Variants in GABRG3 observed in about 807,000 individuals in gnomAD.
The protein encoded by GABRG3 is gamma-aminobutyric acid type A receptor subunit gamma3, also known as gamma-aminobutyric acid receptor subunit gamma-3.
GABRG3 carries 25 observed loss-of-function variants against 48.8 expected under a neutral mutation model. That is an observed-to-expected ratio of 0.51 (90% CI 0.37 to 0.72). GABRG3 has a LOEUF of 0.72. Among genes scored for constraint, GABRG3 ranks in the 30% least tolerant of loss-of-function variants. GABRG3 has a pLI of 0.00. For synonymous variants in GABRG3, 227 were observed against 217.6 expected (o/e 1.04, Z -0.38); for missense variants, 394 against 577.9 (o/e 0.68, Z 3.26).
Position 27,352,064 on chromosome 15 carries a change from CGT to C in GABRG3, c.574+23187_574+23188del, listed in dbSNP as rs148604118. Reference sequence around the variant, plus strand: ...GTGTGTGTGTATGGTATGTGTGTATCGTGTGTGTGTGTATGGTGCATGTGTGT... The same window carrying C: ...GTGTGTGTGTATGGTATGTGTGTATCGTGTGTGTGTATGGTGCATGTGTGT... On this transcript the variant is annotated intron_variant, in intron 5 of 9. Transcript: ENST00000615808. The surrounding 1 kb of genome is among the most constrained non-coding windows in gnomAD (Gnocchi z 4.0). 1.8e-4 allele frequency among the ~76,000 whole-genome samples: 22 copies of C among 124,432 alleles called. No homozygotes were observed. The highest frequency in any genetic ancestry group is 4.4e-4 in the African/African-American group (14 of 31,980). 81.6% of individuals were successfully genotyped at this position (124,432 alleles called of 152,430 possible).
chr15:27,166,052 G>A (rs1887360742), intron 3 of GABRG3, among the ~76,000 whole-genome samples: 1 of 152,156 alleles, frequency 6.6e-6, no homozygotes, highest in African/African-American at 2.4e-5. Context: ...CTTTCTCAGT[G>A]GCTCTGATTA....
chr15:27,217,788 C>T (rs1889311947), intron 3 of GABRG3, among the ~76,000 whole-genome samples: 1 of 152,196 alleles, frequency 6.6e-6, no homozygotes, highest in Non-Finnish European at 1.5e-5. Flanking sequence ...CTTGGCTGTC[C>T]TCTCCTGGCA....
chr15:27,339,384 C>A (rs1261178598), intron 5 of GABRG3, among the ~76,000 whole-genome samples: 1 of 152,234 alleles, frequency 6.6e-6, no homozygotes, highest in Non-Finnish European at 1.5e-5. Context: ...CCCTGGGAAC[C>A]AGGCTTCCCA....
rs536726112 is a variant in GABRG3, at chr15:27,515,794, C to T, written c.713-4178C>T. Among the ~76,000 whole-genome samples the T allele has an allele frequency of 3.9e-5, 6 of 152,190 alleles. No individual in the cohort carries two copies. The South Asian group carries it at 8.3e-4, about 21-fold the overall frequency. ...GCAATTACAAAAGATTCACCTAGTC[C>T]GTAGAGGAGTTGGAGTATTGAAAAT... is the stretch of plus-strand genomic sequence containing the variant. On this transcript the variant is annotated intron_variant, in intron 6 of 9. Transcript: ENST00000615808.
In GABRG3 at chr15:27,540,339, A is replaced by C. The variant is rs567637818; in HGVS notation, c.*7458A>C. The stretch of plus-strand genomic sequence containing the variant: ...CGTAAAGATAACGTTTGAATTGTCT[A>C]ACAACTATCTTTTTTCACTAAAATA... On this transcript the variant is annotated 3_prime_UTR_variant, in exon 10 of 10. Coordinates refer to ENST00000615808, the MANE Select transcript of GABRG3 (RefSeq NM_033223.5). 1 of 152,230 alleles carries C rather than the reference A, an allele frequency of 6.6e-6. No homozygotes were observed. Among genetic ancestry groups the C allele is most frequent in the Middle Eastern group, 3.4e-3 (1 of 294 alleles). 9.4% of individuals were successfully genotyped at this position (152,230 alleles called of 1,614,324 possible).
chr15:27,336,208 AAGAGAGAGAGAG>A (rs71285057), intron 5 of GABRG3, among the ~76,000 whole-genome samples: 40 of 138,782 alleles, frequency 2.9e-4, no homozygotes, highest in Non-Finnish European at 4.6e-4. Context: ...GAAAGAAAGA[AAGAGAGAGAGAG>A]AGAGAGAGAG....
chr15:26,991,673 G>A lies in GABRG3; in HGVS notation c.202+14523G>A, dbSNP rs371442009. Among the ~76,000 whole-genome samples, 11 of 152,004 alleles carry A rather than the reference G, an allele frequency of 7.2e-5. No individual in the cohort carries two copies. In the East Asian group the frequency reaches 7.7e-4, roughly 11 times the overall value. On this transcript the variant is annotated intron_variant, in intron 2 of 9. Transcript: ENST00000615808. The stretch of plus-strand genomic sequence containing the variant: ...TTAATTCCTGGGTATTTAATTTTAT[G>A]TGTAGCTATTGTAAATGGGATTACT...
At chr15:27,475,571 AGTG>A (rs1889914077) in intron 5 of GABRG3, among the ~76,000 whole-genome samples, 1 of 151,748 alleles carries the variant, frequency 6.6e-6, no homozygotes, top group African/African-American at 2.4e-5. Flanking sequence ...TGATAGTAAC[AGTG>A]GTGGTGATGG....
At chr15:27,509,475 A>G (rs1218467365) in intron 6 of GABRG3, among the ~76,000 whole-genome samples, 4 of 152,144 alleles carry the variant, frequency 2.6e-5, no homozygotes, top group African/African-American at 4.8e-5. Context: ...AATAATATGT[A>G]TATTAGACAG....
intron 3 of GABRG3, among the ~76,000 whole-genome samples, chr15:27,316,880 A>G (rs1477218782): frequency 6.6e-6 from 1 of 152,306 alleles, no homozygotes; most frequent in East Asian, 1.9e-4. Context: ...GCTCTTCTTA[A>G]ATATTTGCAG....
chr15:27,466,764 G>A lies in GABRG3; in HGVS notation c.575-13886G>A, dbSNP rs534939343. ...CAGAGGGAAGAGGAAGGGACCCCAA[G>A]GGTAAGCATGGTGGCAGTGGGGCGA... is the stretch of plus-strand genomic sequence containing the variant. On this transcript the variant is annotated intron_variant, in intron 5 of 9. Transcript: ENST00000615808. 1.7e-3 allele frequency among the ~76,000 whole-genome samples: 265 copies of A among 152,316 alleles called. 1 individual carries two copies. Among genetic ancestry groups the A allele is most frequent in the African/African-American group, 6.3e-3 (260 of 41,586 alleles).
chr15:27,248,640 T>C (rs1890338296), intron 3 of GABRG3, among the ~76,000 whole-genome samples: 1 of 151,830 alleles, frequency 6.6e-6, no homozygotes, highest in African/African-American at 2.4e-5. Flanking sequence ...CCCACAGAGG[T>C]CTAGCATGTG....
rs1422762250 is a variant in GABRG3, at chr15:27,403,925, AAAAC to A, written c.574+75041_574+75044del. 1.9e-3 allele frequency among the ~76,000 whole-genome samples: 251 copies of A among 129,256 alleles called. 5 individuals carry two copies. Among genetic ancestry groups the A allele is most frequent in the African/African-American group, 8.7e-3 (237 of 27,216 alleles). The allele number at this position is 129,256 out of a possible 152,430, so 84.8% of individuals were successfully genotyped here. On this transcript the variant is annotated intron_variant, in intron 5 of 9. Coordinates refer to ENST00000615808, the MANE Select transcript of GABRG3 (RefSeq NM_033223.5). ...GACTCAAAAAAAAACAAAAAAAAAA[AAAAC>A]AAAAAAAAAAAACCGGGCTTGGTAG...
At chr15:27,476,004 A>T (rs754947557) in intron 5 of GABRG3, among the ~76,000 whole-genome samples, 3 of 152,206 alleles carry the variant, frequency 2.0e-5, no homozygotes, top group Non-Finnish European at 4.4e-5. Flanking sequence ...CCACTACATT[A>T]TAATGAACCA....
intron 5 of GABRG3, among the ~76,000 whole-genome samples, chr15:27,358,964 C>T (rs1894932990): frequency 6.6e-6 from 1 of 152,230 alleles, no homozygotes; most frequent in East Asian, 1.9e-4. Flanking sequence ...TAGGCTTTCC[C>T]TGGGGAGGAC....
At chr15:27,314,591 T>C (rs930246432) in intron 3 of GABRG3, among the ~76,000 whole-genome samples, 1 of 152,204 alleles carries the variant, frequency 6.6e-6, no homozygotes, top group Non-Finnish European at 1.5e-5. Flanking sequence ...AATGAGGGTC[T>C]TTCAAAGATA....
At chr15:27,237,068 T>C (rs1889997122) in intron 3 of GABRG3, among the ~76,000 whole-genome samples, 1 of 152,230 alleles carries the variant, frequency 6.6e-6, no homozygotes, top group African/African-American at 2.4e-5. Context: ...GCACTCTGAA[T>C]CATTCAGCCA....
At chr15:27,189,078 T>C (rs1430048722) in intron 3 of GABRG3, among the ~76,000 whole-genome samples, 1 of 152,182 alleles carries the variant, frequency 6.6e-6, no homozygotes, top group Non-Finnish European at 1.5e-5. Context: ...TTCTGTTCCA[T>C]TGATCTATAT....
chr15:27,075,693 G>A lies in GABRG3; in HGVS notation c.270+48872G>A, dbSNP rs558004507. Among the ~76,000 whole-genome samples, 17 of 152,312 alleles carry A rather than the reference G, an allele frequency of 1.1e-4. No individual in the cohort carries two copies. The South Asian group carries it at 2.7e-3, about 24-fold the overall frequency. On this transcript the variant is annotated intron_variant, in intron 3 of 9. Transcript: ENST00000615808. ...CATTAAAAGAAATCCGTGTCATAAGGCAATATGAGCTTTGCACTTCAGAGG... is the reference window on the plus strand; with the variant it reads ...CATTAAAAGAAATCCGTGTCATAAGACAATATGAGCTTTGCACTTCAGAGG...
Sources: allele counts gnomAD v4.1 joint callset (sites outside exome capture counted in the v4.1 genomes callset), GRCh38; gene constraint gnomAD v4.1.1; non-coding constraint Gnocchi (gnomAD v3.1); transcripts MANE v1.5; gene names NCBI Gene and HGNC (gene_info 2026-07-23, HGNC 2026-07-21).